Variants in ATP10A observed in about 807,000 individuals in gnomAD.
ATP10A encodes phospholipid-transporting ATPase VA.
A neutral mutation model predicts 147.8 loss-of-function variants in ATP10A; 111 were observed. That is an observed-to-expected ratio of 0.75 (90% CI 0.64 to 0.88). ATP10A has a LOEUF of 0.88. Ranked by LOEUF, ATP10A falls within the 40% of genes least tolerant of loss-of-function variation. The pLI is 0.00. For synonymous variants in ATP10A, 875 were observed against 841.6 expected (o/e 1.04, Z -0.69); for missense variants, 1,927 against 1,959.0 (o/e 0.98, Z 0.31).
intron 1 of ATP10A, among the ~76,000 whole-genome samples, chr15:25,804,259 T>A (rs1351968940): frequency 6.6e-6 from 1 of 151,676 alleles, no homozygotes; most frequent in Non-Finnish European, 1.5e-5. Flanking sequence ...ATGTGCATGG[T>A]GTGTGTGTGG....
At chr15:25,818,112 T>C (rs1341808099) in intron 1 of ATP10A, among the ~76,000 whole-genome samples, 1 of 148,828 alleles carries the variant, frequency 6.7e-6, no homozygotes, top group East Asian at 2.0e-4. Context: ...GGAAATTGTT[T>C]GAAACATCTG....
downstream of ATP10A, among the ~76,000 whole-genome samples, chr15:25,676,011 G>A (rs530387383): frequency 1.3e-5 from 2 of 152,288 alleles, 1 homozygote; most frequent in South Asian, 4.1e-4. Context: ...GGACCAAAAA[G>A]CTGGTGGTGA....
downstream of ATP10A, chr15:25,678,317 A>C (rs1899181812): frequency 6.6e-6 from 1 of 152,096 alleles, no homozygotes; most frequent in African/African-American, 2.4e-5. Flanking sequence ...CCTCCCACAC[A>C]GCAGGGAGTA....
intron 2 of ATP10A, among the ~76,000 whole-genome samples, chr15:25,745,034 G>A (rs1393906657): frequency 2.6e-5 from 4 of 152,176 alleles, no homozygotes; most frequent in Non-Finnish European, 5.9e-5. Context: ...AACTCTTAAA[G>A]GGAAATTGGG....
chr15:25,776,872 A>C (rs1185740622), intron 2 of ATP10A, among the ~76,000 whole-genome samples: 2 of 152,086 alleles, frequency 1.3e-5, no homozygotes, highest in African/African-American at 4.8e-5. Context: ...CTGGCACCTG[A>C]GACCTCTCCA....
At chr15:25,841,163 G>T (rs965821528) in intron 1 of ATP10A, among the ~76,000 whole-genome samples, 17 of 151,978 alleles carry the variant, frequency 1.1e-4, no homozygotes, top group African/African-American at 3.4e-4. Flanking sequence ...TGAATTCTTT[G>T]TCTAGTCTTA....
intron 1 of ATP10A, among the ~76,000 whole-genome samples, chr15:25,805,377 G>T (rs1308642897): frequency 6.6e-6 from 1 of 152,216 alleles, no homozygotes; most frequent in Non-Finnish European, 1.5e-5. Flanking sequence ...TTGAAAAAAG[G>T]TCCTTTGCCA....
chr15:25,747,287 CAAAAAAAAA>C (rs34660034), intron 2 of ATP10A, among the ~76,000 whole-genome samples: 2 of 113,244 alleles, frequency 1.8e-5, no homozygotes, highest in Admixed American at 8.7e-5. Flanking sequence ...AACTCCATCT[CAAAAAAAAA>C]AAAAAAAAAA....
chr15:25,684,390 CATACCAATG>C (rs1899600444), intron 16 of ATP10A, among the ~76,000 whole-genome samples: 1 of 152,204 alleles, frequency 6.6e-6, no homozygotes, highest in African/African-American at 2.4e-5. Context: ...ATGACATGGG[CATACCAATG>C]ATACTCAGCC....
rs970949379 is a variant in ATP10A at position 25,735,303 on chromosome 15, C to T, written c.740+753G>A. 4.6e-5 allele frequency among the ~76,000 whole-genome samples: 7 copies of T among 152,290 alleles called. No homozygotes were observed. In the East Asian group the frequency reaches 1.4e-3, roughly 29 times the overall value. ...GCCACTCAGCAACTCCGTTCTGACA[C>T]TGCCTATTCTCTTCCATGTTTTTGC... On this transcript the variant is annotated intron_variant, in intron 3 of 20. Coordinates refer to ENST00000555815, the MANE Select transcript of ATP10A (RefSeq NM_024490.4).
intron 1 of ATP10A, among the ~76,000 whole-genome samples, chr15:25,814,610 A>G (rs190289682): frequency 6.6e-6 from 1 of 152,318 alleles, no homozygotes; most frequent in Admixed American, 6.5e-5. Flanking sequence ...GCTCTGGAAT[A>G]TGCCCACTTC....
chr15:25,708,154 C>T (rs749819843), intron 11 of ATP10A, 43 bp downstream of exon 11: 37 of 1,613,228 alleles, frequency 2.3e-5, no homozygotes, highest in Middle Eastern at 1.6e-4. Context: ...CACTGTGGGG[C>T]GGCCACCTGC....
chr15:25,692,692 T>C (rs1023632861), intron 14 of ATP10A, among the ~76,000 whole-genome samples: 1 of 152,230 alleles, frequency 6.6e-6, no homozygotes, highest in African/African-American at 2.4e-5. Context: ...CCATTTAAAA[T>C]GAGATACGGT....
chr15:25,702,026 G>T lies in ATP10A; in HGVS notation c.2650C>A (p.Gln884Lys), dbSNP rs1900695041. 1 of 1,614,180 alleles carries T rather than the reference G, an allele frequency of 6.2e-7. No individual in the cohort carries two copies. Among genetic ancestry groups the T allele is most frequent in the Admixed American group, 1.7e-5 (1 of 60,012 alleles). ...TTGTCACCAGTGAGAACCCAAATCTGCAGGCCCGCTTGACGCAATTTAGAA... is the reference window on the plus strand; with the variant it reads ...TTGTCACCAGTGAGAACCCAAATCTTCAGGCCCGCTTGACGCAATTTAGAA... ...TISKLRQAGL[Q>K]IWVLTGDKQE... The change falls in exon 13 of 21, where the codon CAG (glutamine) becomes AAG (lysine). Residue 884 changes from glutamine to lysine, a missense_variant. Coordinates refer to ENST00000555815, the MANE Select transcript of ATP10A (RefSeq NM_024490.4).
At chr15:25,687,972 T>A (rs1290865842) in intron 15 of ATP10A, 144 bp from the exon 16 acceptor site, 1 of 1,066,158 alleles carries the variant, frequency 9.4e-7, no homozygotes, top group Non-Finnish European at 1.4e-6. Flanking sequence ...AGGGTCTCCA[T>A]CGCTGTCGTC....
At chr15:25,712,184 C>T (rs985227826) in intron 10 of ATP10A, among the ~76,000 whole-genome samples, 8 of 152,064 alleles carry the variant, frequency 5.3e-5, no homozygotes, top group Non-Finnish European at 1.0e-4. Flanking sequence ...TTGGGGGGGA[C>T]GGGGTGGAGT....
At chr15:25,794,946 AC>A (rs1452438659) in intron 1 of ATP10A, among the ~76,000 whole-genome samples, 4 of 152,196 alleles carry the variant, frequency 2.6e-5, no homozygotes, top group African/African-American at 9.7e-5. Context: ...CCAAAGACTC[AC>A]AGCTGGAGGT....
chr15:25,859,349 C>G lies in ATP10A; in HGVS notation c.449+3299G>C, dbSNP rs572137691. 9.2e-5 allele frequency among the ~76,000 whole-genome samples: 14 copies of G among 152,306 alleles called. No individual in the cohort carries two copies. The South Asian group carries it at 2.9e-3, about 32-fold the overall frequency. On this transcript the variant is annotated intron_variant, in intron 1 of 20. Coordinates refer to ENST00000555815, the MANE Select transcript of ATP10A (RefSeq NM_024490.4). ...CAAATGAAAGCCGGAGGCCACATCC[C>G]CCTCGACTCTCACCAGGGCTCACTG...
intron 1 of ATP10A, among the ~76,000 whole-genome samples, chr15:25,859,215 G>A (rs1893647998): frequency 6.6e-6 from 1 of 152,168 alleles, no homozygotes; most frequent in Non-Finnish European, 1.5e-5. Context: ...CAGGACCCCT[G>A]AGGTTGCTCT....
Sources: allele counts gnomAD v4.1 joint callset (sites outside exome capture counted in the v4.1 genomes callset), GRCh38; gene constraint gnomAD v4.1.1; transcripts MANE v1.5; gene names NCBI Gene and HGNC (gene_info 2026-07-23, HGNC 2026-07-21).